NELL2: variants seen among roughly 807,000 people sequenced by gnomAD.
NELL2 encodes protein kinase C-binding protein NELL2.
NELL2 carries 41 observed loss-of-function variants against 109.6 expected under a neutral mutation model. The ratio of observed to expected loss-of-function variants is 0.37; its 90% CI spans 0.29 to 0.49. The LOEUF (loss-of-function observed/expected upper bound fraction) is 0.49. NELL2 is among the 20% of genes least tolerant of loss of function. The pLI, the probability that NELL2 is intolerant of heterozygous loss-of-function variation, is 0.98. For missense variants in NELL2, 900 were observed against 1,008.3 expected (o/e 0.89, Z 1.45); for synonymous variants, 355 against 344.7 (o/e 1.03, Z -0.33).
In NELL2 at chr12:44,646,467, A is replaced by G. The variant is rs539661733; in HGVS notation, c.1444+19017T>C. ...TATATCTGCTATGTTTTTCTTATAA[A>G]TACATACTCATGATAAAGTTTAATG... is the stretch of plus-strand genomic sequence containing the variant. On this transcript the variant is annotated intron_variant, in intron 13 of 19. Coordinates refer to ENST00000429094, the MANE Select transcript of NELL2 (RefSeq NM_001145108.2). Among the ~76,000 whole-genome samples, 6 of 152,332 alleles carry G rather than the reference A, an allele frequency of 3.9e-5. No individual in the cohort carries two copies. The East Asian group carries it at 1.2e-3, about 29-fold the overall frequency.
At chr12:44,837,210 G>A (rs912433785) in intron 2 of NELL2, among the ~76,000 whole-genome samples, 4 of 152,190 alleles carry the variant, frequency 2.6e-5, no homozygotes, top group Non-Finnish European at 4.4e-5. Context: ...TTATTTTGCA[G>A]AAAGAGTAAG....
chr12:44,602,841 G>A (rs1945267812), intron 15 of NELL2, among the ~76,000 whole-genome samples: 1 of 151,998 alleles, frequency 6.6e-6, no homozygotes, highest in African/African-American at 2.4e-5. Flanking sequence ...GATGAAAAAT[G>A]TGCTAATTTG....
At chr12:44,570,374 A>G (rs1326881180) in intron 15 of NELL2, among the ~76,000 whole-genome samples, 6 of 152,196 alleles carry the variant, frequency 3.9e-5, no homozygotes, top group South Asian at 2.1e-4. Flanking sequence ...CTTTGTTGTC[A>G]AAAATTGATC....
intron 5 of NELL2, among the ~76,000 whole-genome samples, chr12:44,777,619 G>A (rs927734628): frequency 3.3e-5 from 5 of 152,064 alleles, no homozygotes; most frequent in African/African-American, 9.7e-5. Flanking sequence ...AGCCACTGAC[G>A]GGCTTGAAAA....
At chr12:44,575,399 C>CT (rs924957636) in intron 15 of NELL2, among the ~76,000 whole-genome samples, 52 of 152,348 alleles carry the variant, frequency 3.4e-4, no homozygotes, top group African/African-American at 1.2e-3. Flanking sequence ...TTCTCAGAGG[C>CT]TTGGAAGCAT....
intron 16 of NELL2, among the ~76,000 whole-genome samples, chr12:44,531,625 G>T (rs1287944709): frequency 1.3e-5 from 2 of 152,192 alleles, no homozygotes; most frequent in Non-Finnish European, 2.9e-5. Context: ...CATCACCCAA[G>T]TCTGTTTCAC....
intron 3 of NELL2, 118 bp downstream of exon 3, chr12:44,815,868 C>T (rs1054301261): frequency 1.9e-5 from 22 of 1,144,394 alleles, no homozygotes; most frequent in East Asian, 2.8e-5. Flanking sequence ...TTGCCCACCT[C>T]GGCTTCCCAA....
At chr12:44,810,120 C>G (rs1943126145) in intron 3 of NELL2, among the ~76,000 whole-genome samples, 1 of 152,008 alleles carries the variant, frequency 6.6e-6, no homozygotes, top group South Asian at 2.1e-4. Context: ...CTTTGTGATG[C>G]CATTTATGAT....
At chr12:44,889,778 C>T (rs1208680592) in intron 1 of NELL2, among the ~76,000 whole-genome samples, 1 of 152,124 alleles carries the variant, frequency 6.6e-6, no homozygotes, top group African/African-American at 2.4e-5. Context: ...GCCTCTGCTA[C>T]CGTCAAAAAT....
intron 9 of NELL2, among the ~76,000 whole-genome samples, chr12:44,737,736 C>A (rs1235584470): frequency 2.0e-5 from 3 of 151,972 alleles, no homozygotes; most frequent in Admixed American, 6.6e-5. Context: ...TTCATTAATT[C>A]CATATTGTCA....
At chr12:44,843,779 T>C (rs974096994) in intron 2 of NELL2, among the ~76,000 whole-genome samples, 4 of 152,144 alleles carry the variant, frequency 2.6e-5, no homozygotes, top group African/African-American at 9.7e-5. Context: ...CCCAGCACTT[T>C]GGGAGGCCAA....
intron 9 of NELL2, among the ~76,000 whole-genome samples, chr12:44,751,037 C>T (rs1940627713): frequency 6.6e-6 from 1 of 152,040 alleles, no homozygotes; most frequent in South Asian, 2.1e-4. Context: ...CTAAAAGGAC[C>T]TCACACAGAA....
intron 1 of NELL2, among the ~76,000 whole-genome samples, chr12:44,919,293 G>A (rs1450330446): frequency 1.3e-5 from 2 of 151,884 alleles, no homozygotes; most frequent in East Asian, 3.9e-4. Context: ...GATAAATGGT[G>A]CTCAGCATGT....
At chr12:44,604,472 T>C (rs1333823907) in intron 15 of NELL2, among the ~76,000 whole-genome samples, 1 of 152,180 alleles carries the variant, frequency 6.6e-6, no homozygotes, top group African/African-American at 2.4e-5. Context: ...CCAACAAATA[T>C]GGACACAGCC....
intron 11 of NELL2, among the ~76,000 whole-genome samples, chr12:44,704,103 T>C (rs1435875126): frequency 1.3e-5 from 2 of 152,138 alleles, no homozygotes; most frequent in African/African-American, 4.8e-5. Context: ...ATAAATGCTA[T>C]CTAGTCCCTA....
rs545609080 is a variant in NELL2 at position 44,804,285 on chromosome 12, C to T, written c.335+11701G>A. 5.9e-5 allele frequency among the ~76,000 whole-genome samples: 9 copies of T among 151,864 alleles called. No homozygotes were observed. The South Asian group carries it at 1.9e-3, about 31-fold the overall frequency. On this transcript the variant is annotated intron_variant, in intron 3 of 19. Transcript: ENST00000429094. ...TCAAAATGCTCAGTGAATAAAAGTA[C>T]TAAAAAAAGAGGCAAACATGAATGA...
rs760320149 is a variant in NELL2, at chr12:44,711,352, A to C, written c.1129T>G (p.Leu377Val). 6.2e-7 allele frequency: 1 copy of C among 1,612,668 alleles called. No individual in the cohort carries two copies. The highest frequency in any genetic ancestry group is 1.1e-5 in the South Asian group (1 of 91,068). The stretch of plus-strand genomic sequence containing the variant: ...ATCTGATGAGACTCTGGACAATCCA[A>C]AGCTGGACAGCCTGAACTCTCAACA... The part of the protein sequence containing the change: ...KLVESSGCPA[L>V]DCPESHQITL... Residue 377 changes from leucine (L) to valine (V), a missense_variant, in exon 11 of 20, where the codon TTG becomes GTG. Leu to Val is a conservative substitution (Grantham distance 32). Coordinates refer to ENST00000429094, the MANE Select transcript of NELL2 (RefSeq NM_001145108.2).
chr12:44,816,381 C>A (rs1004439752), intron 2 of NELL2, among the ~76,000 whole-genome samples: 1 of 152,052 alleles, frequency 6.6e-6, no homozygotes, highest in African/African-American at 2.4e-5. Flanking sequence ...AAAATGTCAC[C>A]TTTGAAGCAA....
chr12:44,843,154 G>A (rs1944276557), intron 2 of NELL2, among the ~76,000 whole-genome samples: 1 of 151,616 alleles, frequency 6.6e-6, no homozygotes, highest in Non-Finnish European at 1.5e-5. Flanking sequence ...TTGGGGAAGG[G>A]GAGAGGTAAC....
Sources: allele counts gnomAD v4.1 joint callset (sites outside exome capture counted in the v4.1 genomes callset), GRCh38; gene constraint gnomAD v4.1.1; transcripts MANE v1.5; gene names NCBI Gene and HGNC (gene_info 2026-07-23, HGNC 2026-07-21).